Variants in SPAG17 observed in about 807,000 individuals in gnomAD.
SPAG17 encodes sperm associated antigen 17.
A neutral mutation model predicts 273.6 loss-of-function variants in SPAG17; 169 were observed. The observed-to-expected ratio is 0.62, with a 90% CI of 0.55 to 0.70. The LOEUF (loss-of-function observed/expected upper bound fraction) is 0.70. SPAG17 is among the 30% of genes least tolerant of loss of function. SPAG17 has a pLI of 0.00. For missense variants in SPAG17, 2,557 were observed against 2,627.8 expected (o/e 0.97, Z 0.59); for synonymous variants, 825 against 873.2 (o/e 0.94, Z 0.97).
chr1:117,974,577 G>GT (rs1346831652), intron 43 of SPAG17, among the ~76,000 whole-genome samples: 2 of 151,968 alleles, frequency 1.3e-5, no homozygotes, highest in African/African-American at 4.8e-5. Flanking sequence ...TATATTCATA[G>GT]TTTTAAAAAG....
At chr1:118,177,239 T>C (rs184667940) in intron 1 of SPAG17, among the ~76,000 whole-genome samples, 39 of 152,244 alleles carry the variant, frequency 2.6e-4, no homozygotes, top group African/African-American at 9.4e-4. Context: ...CTCAGAAAAC[T>C]TACAATCATG....
chr1:118,046,585 A>G (rs1330490044), intron 20 of SPAG17, among the ~76,000 whole-genome samples: 1 of 152,110 alleles, frequency 6.6e-6, no homozygotes, highest in Non-Finnish European at 1.5e-5. Context: ...CTAGGAGGAA[A>G]AAAAAGGTGC....
rs1452463715 is a variant in SPAG17, at chr1:118,085,926, C to G, written c.1758G>C (p.Thr586=). ...AAGACAAAGCAATGGACTCACCACTCGTACAAAAGTGCATAAGCTCATGAA... is the reference window on the plus strand; with the variant it reads ...AAGACAAAGCAATGGACTCACCACTGGTACAAAAGTGCATAAGCTCATGAA... ...ATIHELMHFC[T]SDVLSWNEVE... Residue 586 remains threonine, a synonymous_variant, in exon 13 of 49, where the codon ACG becomes ACC. Coordinates refer to ENST00000336338, the MANE Select transcript of SPAG17 (RefSeq NM_206996.4). 1 of 1,600,690 alleles carries G rather than the reference C, an allele frequency of 6.2e-7. No individual in the cohort carries two copies. The highest frequency in any genetic ancestry group is 8.5e-7 in the Non-Finnish European group (1 of 1,175,346).
chr1:118,063,044 T>C (rs866558650), intron 18 of SPAG17, among the ~76,000 whole-genome samples: 1 of 152,180 alleles, frequency 6.6e-6, no homozygotes, highest in African/African-American at 2.4e-5. Flanking sequence ...GAAGGACCTC[T>C]TCAAGGAGAA....
intron 43 of SPAG17, among the ~76,000 whole-genome samples, chr1:117,980,020 A>AATATGGGAGGGGTCTAGCTCCATCAG: frequency 6.6e-6 from 1 of 152,152 alleles, no homozygotes; most frequent in South Asian, 2.1e-4. Context: ...GTTTGCCCAT[A>AATATGGGAGGGGTCTAGCTCCATCAG]ATATGGGAGG....
chr1:118,183,392 G>C (rs1456458605), intron 1 of SPAG17, among the ~76,000 whole-genome samples: 13 of 152,088 alleles, frequency 8.5e-5, no homozygotes, highest in Admixed American at 8.5e-4. Context: ...GTTAATCTGG[G>C]AATTATTCTT....
chr1:117,970,899 GCAACAAC>G (rs1654476151), intron 45 of SPAG17, among the ~76,000 whole-genome samples: 3 of 152,120 alleles, frequency 2.0e-5, no homozygotes, highest in Admixed American at 2.0e-4. Context: ...CACTTTGTTG[GCAACAAC>G]CTAAAAAACA....
chr1:118,081,060 CA>C (rs1654516591), intron 15 of SPAG17, 40 bp downstream of exon 15: 1 of 82,740 alleles, frequency 1.2e-5, no homozygotes, highest in African/African-American at 1.9e-4. Context: ...TAGTGTCTTA[CA>C]CACACACACA....
In SPAG17 at chr1:117,995,818, T is replaced by C. The variant is rs556421201; in HGVS notation, c.5053+552A>G. On this transcript the variant is annotated intron_variant, in intron 34 of 48. Transcript: ENST00000336338. ...ATTTAAATACACATATTACATATAC[T>C]GGATGGTTCTTACTTAATGTTTTAT... is the stretch of plus-strand genomic sequence containing the variant. Among the ~76,000 whole-genome samples, 178 of 151,952 alleles carry C rather than the reference T, an allele frequency of 1.2e-3. 2 individuals carry two copies. Among genetic ancestry groups the C allele is most frequent in the African/African-American group, 4.0e-3 (166 of 41,466 alleles).
intron 4 of SPAG17, among the ~76,000 whole-genome samples, chr1:118,111,589 C>CAT (rs1656763237): frequency 6.6e-6 from 1 of 151,632 alleles, no homozygotes; most frequent in Non-Finnish European, 1.5e-5. Flanking sequence ...CACACACACA[C>CAT]ACAAATGGCA....
intron 2 of SPAG17, 113 bp downstream of exon 2, chr1:118,151,116 C>A: frequency 1.2e-6 from 1 of 848,558 alleles, no homozygotes; most frequent in South Asian, 5.2e-5. Flanking sequence ...TTAAAATAAT[C>A]CATCAAAATT....
chr1:118,064,806 T>C (rs1304168861), intron 18 of SPAG17, among the ~76,000 whole-genome samples: 2 of 151,814 alleles, frequency 1.3e-5, no homozygotes, highest in Non-Finnish European at 2.9e-5. Context: ...ATCAGTCAGA[T>C]ACTTTGAGGT....
chr1:118,024,933 G>T (rs1647560864), intron 27 of SPAG17, among the ~76,000 whole-genome samples: 3 of 152,064 alleles, frequency 2.0e-5, no homozygotes, highest in Non-Finnish European at 4.4e-5. Context: ...TTGTCCTCCA[G>T]TACCATTATG....
At chr1:118,062,603 T>A (rs558727470) in intron 18 of SPAG17, among the ~76,000 whole-genome samples, 2 of 151,992 alleles carry the variant, frequency 1.3e-5, no homozygotes, top group Non-Finnish European at 2.9e-5. Context: ...TTTAATAATA[T>A]AACCTCCATA....
chr1:118,000,548 A>T (rs1658163672), intron 32 of SPAG17, among the ~76,000 whole-genome samples: 1 of 152,106 alleles, frequency 6.6e-6, no homozygotes. Flanking sequence ...CATCCCTTGT[A>T]AGTTGGATTC....
intron 3 of SPAG17, among the ~76,000 whole-genome samples, chr1:118,146,262 C>T (rs1015161188): frequency 6.6e-6 from 1 of 152,172 alleles, no homozygotes; most frequent in Admixed American, 6.5e-5. Flanking sequence ...ACTCTCTCAT[C>T]GAGAACATTT....
At chr1:118,179,468 T>C (rs1660843265) in intron 1 of SPAG17, among the ~76,000 whole-genome samples, 1 of 151,986 alleles carries the variant, frequency 6.6e-6, no homozygotes, top group East Asian at 1.9e-4. Flanking sequence ...TTAAATCTAA[T>C]ACCTGAAACT....
At position 118,089,332 on chromosome 1, in the gene SPAG17, C is replaced by CGTGTGTGTGTGTGTGTGTGTGTGTGTGT. The variant is rs72374195; in HGVS notation, c.1359+2273_1359+2274insACACACACACACACACACACACACACAC. 1.6e-3 allele frequency among the ~76,000 whole-genome samples: 221 copies of CGTGTGTGTGTGTGTGTGTGTGTGTGTGT among 135,968 alleles called. 1 individual carries two copies. The highest frequency in any genetic ancestry group is 5.1e-3 in the African/African-American group (187 of 36,594). The allele number at this position is 135,968 out of a possible 152,430, so 89.2% of individuals were successfully genotyped here. A position where few individuals can be genotyped will look rare whatever the true frequency, so the allele number is the denominator to read the frequency against. On this transcript the variant is annotated intron_variant, in intron 10 of 48. Coordinates refer to ENST00000336338, the MANE Select transcript of SPAG17 (RefSeq NM_206996.4). ...AAAACCAGAAGGCCTATGTAGATGACGTGTGTGTGTGTGTGTGTGTGTGGT... is the reference window on the plus strand; with the variant it reads ...AAAACCAGAAGGCCTATGTAGATGACGTGTGTGTGTGTGTGTGTGTGTGTGTGTGTGTGTGTGTGTGTGTGTGTGTGGT...
chr1:118,007,492 A>G (rs1476906631), intron 31 of SPAG17, among the ~76,000 whole-genome samples: 2 of 152,144 alleles, frequency 1.3e-5, no homozygotes, highest in Admixed American at 6.5e-5. Context: ...TTGTGTTTAA[A>G]GGGGAAATGC....
Sources: allele counts gnomAD v4.1 joint callset (sites outside exome capture counted in the v4.1 genomes callset), GRCh38; gene constraint gnomAD v4.1.1; transcripts MANE v1.5; gene names NCBI Gene and HGNC (gene_info 2026-07-23, HGNC 2026-07-21).